ZNF676: variants seen among roughly 807,000 people sequenced by gnomAD.
ZNF676 encodes zinc finger protein 676.
A neutral mutation model predicts 6.0 loss-of-function variants in ZNF676; 4 were observed. The observed-to-expected ratio is 0.67, with a 90% CI of 0.33 to 1.53. The LOEUF is 1.53. Among genes scored for constraint, ZNF676 ranks in the 40% most tolerant of loss-of-function variants. ZNF676 has a pLI of 0.06. For synonymous variants in ZNF676, 198 were observed against 223.1 expected (o/e 0.89, Z 1.00); for missense variants, 644 against 679.7 (o/e 0.95, Z 0.58).
chr19:22,210,585 A>G lies in ZNF676; in HGVS notation c.3+5047T>C, dbSNP rs981329517. On this transcript the variant is annotated intron_variant, in intron 1 of 3. Coordinates refer to the ZNF676 transcript ENST00000650058. Reference sequence around the variant, plus strand: ...TGAAGCATATAGATAACAAACAGCTAGGATTAATAAAATTCTCTATCCTCT... The same window carrying G: ...TGAAGCATATAGATAACAAACAGCTGGGATTAATAAAATTCTCTATCCTCT... Among the ~76,000 whole-genome samples, 7 of 152,362 alleles carry G rather than the reference A, an allele frequency of 4.6e-5. No homozygotes were observed. In the South Asian group the frequency reaches 1.4e-3, roughly 32 times the overall value.
At chr19:22,241,761 C>T in the ZNF676 span, among the ~76,000 whole-genome samples, 10 of 151,942 alleles carry the variant, frequency 6.6e-5, no homozygotes, top group South Asian at 4.2e-4. Flanking sequence ...TGACCTGCTC[C>T]GGAGAGGAGA....
chr19:22,254,078 G>A, the ZNF676 span, among the ~76,000 whole-genome samples: 1 of 152,220 alleles, frequency 6.6e-6, no homozygotes, highest in Non-Finnish European at 1.5e-5. Context: ...GGTAGGAAGT[G>A]AGCAGCAGAT....
At chr19:22,248,225 T>C in the ZNF676 span, among the ~76,000 whole-genome samples, 1 of 152,190 alleles carries the variant, frequency 6.6e-6, no homozygotes, top group Non-Finnish European at 1.5e-5. Context: ...CATGTGTCTT[T>C]ATAGCAGCAT....
intron 1 of ZNF676, among the ~76,000 whole-genome samples, chr19:22,207,695 T>C (rs137923768): frequency 0.018 from 2,776 of 152,218 alleles, 83 homozygotes; most frequent in African/African-American, 0.064. Context: ...GACTTCAAAC[T>C]ACACAACAGT....
the ZNF676 span, among the ~76,000 whole-genome samples, chr19:22,258,748 G>A: frequency 6.6e-6 from 1 of 152,084 alleles, no homozygotes; most frequent in Non-Finnish European, 1.5e-5. Flanking sequence ...GCAATGCCAA[G>A]TCAGGAGAAT....
chr19:22,179,848 T>C lies in ZNF676; in HGVS notation c.*102A>G, dbSNP rs989653077. 4.7e-5 allele frequency: 63 copies of C among 1,327,972 alleles called. No homozygotes were observed. In the African/African-American group the frequency reaches 8.5e-4, roughly 18 times the overall value. The allele number at this position is 1,327,972 out of a possible 1,614,324, so 82.3% of individuals were successfully genotyped here. ...AAAGATTGAGGACTGTTTAAAAGCT[T>C]TGCCACATTCTTCACCTTTGTAGAT... On this transcript the variant is annotated 3_prime_UTR_variant, in exon 3 of 3. Transcript: ENST00000397121.
At chr19:22,240,938 A>G in the ZNF676 span, among the ~76,000 whole-genome samples, 55 of 152,116 alleles carry the variant, frequency 3.6e-4, no homozygotes, top group Admixed American at 6.5e-4. Context: ...CCTGTAGGAA[A>G]GGCACAGGAA....
At chr19:22,247,980 A>T in the ZNF676 span, among the ~76,000 whole-genome samples, 2 of 143,024 alleles carry the variant, frequency 1.4e-5, no homozygotes, top group Admixed American at 7.7e-5. Flanking sequence ...CCCACCTATG[A>T]GTGAGAACAT....
Position 22,180,270 on chromosome 19 carries a change from C to A in ZNF676, c.1447G>T (p.Gly483Cys). The A allele has an allele frequency of 6.2e-7, 1 of 1,612,578 alleles. No homozygotes were observed. Among genetic ancestry groups the A allele is most frequent in the Non-Finnish European group, 8.5e-7 (1 of 1,178,780 alleles). The change falls in exon 3 of 3, where the codon GGC becomes TGC. Residue 483 changes from glycine (G) to cysteine (C), a missense_variant. This residue lies in a region of ZNF676 where 306 missense variants were observed against 265.4 expected (regional missense o/e 1.15). Coordinates refer to ENST00000397121, the MANE Select transcript of ZNF676 (RefSeq NM_001001411.3). Reference protein sequence around the residue: ...AEKPYKCEECGKGFSTFSILT... With the variant: ...AEKPYKCEECCKGFSTFSILT... ...ATTGAGAACGTACTAAAGCCTTTGCCACATTCTTCACATTTGTAAGGTTTC... is the reference window on the plus strand; with the variant it reads ...ATTGAGAACGTACTAAAGCCTTTGCAACATTCTTCACATTTGTAAGGTTTC...
intron 2 of ZNF676, among the ~76,000 whole-genome samples, chr19:22,191,008 C>T (rs4371283): frequency 0.42 from 64,344 of 151,816 alleles, 14,460 homozygotes; most frequent in African/African-American, 0.58. Context: ...GTCTGTCAGT[C>T]ATCCACGACA....
Position 22,196,677 on chromosome 19 carries a change from C to T in ZNF676, c.-44G>A. On this transcript the variant is annotated 5_prime_UTR_variant, in exon 1 of 3. Coordinates refer to ENST00000397121, the MANE Select transcript of ZNF676 (RefSeq NM_001001411.3). ...CTGCTGTGTAGAATCCAGGCATTGC[C>T]ACTCCTCCAGAGAGAATTCTATGGC... 1 of 1,613,282 alleles carries T rather than the reference C, an allele frequency of 6.2e-7. No homozygotes were observed. Among genetic ancestry groups the T allele is most frequent in the Non-Finnish European group, 8.5e-7 (1 of 1,179,348 alleles).
chr19:22,234,419 T>C, the ZNF676 span, among the ~76,000 whole-genome samples: 3 of 152,186 alleles, frequency 2.0e-5, no homozygotes, highest in Admixed American at 6.5e-5. Flanking sequence ...CGATCACATA[T>C]ATACCACATC....
chr19:22,236,914 A>G, the ZNF676 span, among the ~76,000 whole-genome samples: 1 of 152,132 alleles, frequency 6.6e-6, no homozygotes, highest in African/African-American at 2.4e-5. Flanking sequence ...GTTGAGTGCC[A>G]CCACTTGGCC....
intron 1 of ZNF676, among the ~76,000 whole-genome samples, chr19:22,212,825 T>C (rs1246974815): frequency 5.3e-5 from 8 of 151,828 alleles, no homozygotes; most frequent in Non-Finnish European, 1.0e-4. Context: ...TGAAATTCCA[T>C]CTCTACCAAA....
the ZNF676 span, among the ~76,000 whole-genome samples, chr19:22,227,538 C>A: frequency 6.6e-6 from 1 of 152,006 alleles, no homozygotes; most frequent in Non-Finnish European, 1.5e-5. Flanking sequence ...GATAGAGACA[C>A]AAAACACCCT....
the ZNF676 span, among the ~76,000 whole-genome samples, chr19:22,230,932 A>G: frequency 1.3e-5 from 2 of 151,916 alleles, no homozygotes; most frequent in Non-Finnish European, 2.9e-5. Flanking sequence ...TGCTGGGATT[A>G]CAGGCATGAG....
At chr19:22,247,030 T>A in the ZNF676 span, among the ~76,000 whole-genome samples, 1 of 152,194 alleles carries the variant, frequency 6.6e-6, no homozygotes, top group Non-Finnish European at 1.5e-5. Context: ...AGTAACAGCT[T>A]TCTGGCAAAT....
chr19:22,246,359 A>G, the ZNF676 span, among the ~76,000 whole-genome samples: 1 of 151,900 alleles, frequency 6.6e-6, no homozygotes, highest in South Asian at 2.1e-4. Context: ...CCTTGGGTAG[A>G]GTCCAAGCAG....
At chr19:22,238,724 T>G in the ZNF676 span, among the ~76,000 whole-genome samples, 1 of 152,146 alleles carries the variant, frequency 6.6e-6, no homozygotes, top group African/African-American at 2.4e-5. Context: ...AGGCCATCTG[T>G]AGGCTGAGAA....
Sources: allele counts gnomAD v4.1 joint callset (sites outside exome capture counted in the v4.1 genomes callset), GRCh38; gene constraint gnomAD v4.1.1; regional missense constraint gnomAD v4.1.1; transcripts MANE v1.5; gene names NCBI Gene and HGNC (gene_info 2026-07-23, HGNC 2026-07-21).